Variants in RNF38 observed in about 807,000 individuals in gnomAD.
The protein encoded by RNF38 is ring finger protein 38.
In RNF38, 15 loss-of-function variants were observed where a neutral mutation model predicts 67.2. That is an observed-to-expected ratio of 0.22 (90% CI 0.15 to 0.34). The LOEUF (loss-of-function observed/expected upper bound fraction) is 0.34. Among genes scored for constraint, RNF38 ranks in the 10% least tolerant of loss-of-function variants. The probability of loss-of-function intolerance (pLI) is 1.00; values close to 1 mark genes in which losing one functional copy is unlikely to be tolerated. For synonymous variants in RNF38, 220 were observed against 218.8 expected (o/e 1.01, Z -0.05); for missense variants, 524 against 639.9 (o/e 0.82, Z 1.95).
intron 10 of RNF38, among the ~76,000 whole-genome samples, chr9:36,343,130 T>C (rs1832968430): frequency 6.6e-6 from 1 of 152,212 alleles, no homozygotes; most frequent in South Asian, 2.1e-4. Context: ...TGCTCTATTG[T>C]TATTTTCTAT....
At chr9:36,398,062 T>C (rs532229773) in intron 1 of RNF38, among the ~76,000 whole-genome samples, 52 of 152,346 alleles carry the variant, frequency 3.4e-4, no homozygotes, top group Non-Finnish European at 6.8e-4. Flanking sequence ...GATTGAGTTA[T>C]AATTTTATTA....
chr9:36,409,137 A>G (rs563877331), intron 2 of RNF38, among the ~76,000 whole-genome samples: 6 of 152,140 alleles, frequency 3.9e-5, no homozygotes, highest in African/African-American at 1.4e-4. Context: ...TAGTGAGCCA[A>G]GATCACACCA....
chr9:36,367,004 T>A (rs577962226), intron 4 of RNF38, among the ~76,000 whole-genome samples: 1 of 152,334 alleles, frequency 6.6e-6, no homozygotes, highest in East Asian at 1.9e-4. Flanking sequence ...GCAAATTTAC[T>A]TCTGCTCAGT....
chr9:36,434,580 G>C (rs1159423902), intron 1 of RNF38, among the ~76,000 whole-genome samples: 7 of 152,186 alleles, frequency 4.6e-5, no homozygotes, highest in Non-Finnish European at 1.0e-4. Flanking sequence ...GTAAAGATGG[G>C]GTTTTTCCAT....
intron 1 of RNF38, among the ~76,000 whole-genome samples, chr9:36,399,115 T>C (rs1043415295): frequency 6.6e-6 from 1 of 152,224 alleles, no homozygotes; most frequent in Non-Finnish European, 1.5e-5. Flanking sequence ...CATCAAAAAT[T>C]AGGTTATTTT....
chr9:36,352,274 C>T (rs956007898), intron 8 of RNF38, among the ~76,000 whole-genome samples: 1 of 151,526 alleles, frequency 6.6e-6, no homozygotes. Flanking sequence ...CACTGCACTC[C>T]AGCACAGACT....
chr9:36,457,084 G>T lies in RNF38; in HGVS notation n.241+30224C>A, dbSNP rs577360525. On this transcript the variant is annotated intron_variant and non_coding_transcript_variant, in intron 1 of 3. Transcript: ENST00000488058. Reference sequence around the variant, plus strand: ...TAAACTAATTAAGGAGCTAAATTTTGCCCTAATTCTTTAAATTCATGGATG... The same window carrying T: ...TAAACTAATTAAGGAGCTAAATTTTTCCCTAATTCTTTAAATTCATGGATG... Among the ~76,000 whole-genome samples, 174 of 151,364 alleles carry T rather than the reference G, an allele frequency of 1.1e-3. 1 individual carries two copies. The highest frequency in any genetic ancestry group is 4.1e-3 in the African/African-American group (170 of 41,482).
chr9:36,357,472 A>G (rs961010004), intron 5 of RNF38, among the ~76,000 whole-genome samples: 4 of 152,200 alleles, frequency 2.6e-5, no homozygotes, highest in African/African-American at 7.2e-5. Context: ...GACATATGAG[A>G]AAACATGGTT....
intron 1 of RNF38, among the ~76,000 whole-genome samples, chr9:36,476,007 T>C (rs1311340767): frequency 3.7e-4 from 30 of 80,756 alleles, no homozygotes; most frequent in Admixed American, 3.4e-3. Flanking sequence ...GGACTCTGTT[T>C]CCAAAAAAAA....
chr9:36,463,919 G>T (rs1245194830), intron 1 of RNF38, among the ~76,000 whole-genome samples: 1 of 152,164 alleles, frequency 6.6e-6, no homozygotes, highest in Non-Finnish European at 1.5e-5. Context: ...TGTAATCCCA[G>T]CACTTTGGGA....
chr9:36,378,427 C>A (rs1224657013), intron 2 of RNF38, among the ~76,000 whole-genome samples: 1 of 152,068 alleles, frequency 6.6e-6, no homozygotes, highest in Non-Finnish European at 1.5e-5. Flanking sequence ...CTGCCCATCT[C>A]GGCCTCCCAA....
chr9:36,394,858 G>T (rs1228757917), intron 1 of RNF38, among the ~76,000 whole-genome samples: 2 of 152,060 alleles, frequency 1.3e-5, no homozygotes, highest in African/African-American at 4.8e-5. Context: ...AAATAAACTT[G>T]TTTCCTGAAA....
At chr9:36,356,135 C>CT (rs1564004593) in intron 6 of RNF38, among the ~76,000 whole-genome samples, 168 bp downstream of exon 6, 2 of 152,168 alleles carry the variant, frequency 1.3e-5, no homozygotes, top group African/African-American at 4.8e-5. Flanking sequence ...GAGTGAGTCA[C>CT]TGCACCTGGC....
chr9:36,448,020 G>A (rs1160851946), intron 1 of RNF38, among the ~76,000 whole-genome samples: 1 of 152,190 alleles, frequency 6.6e-6, no homozygotes, highest in Non-Finnish European at 1.5e-5. Context: ...ATGCAGCTCT[G>A]CAGTGCTGAA....
At chr9:36,453,240 G>A (rs1839502425) in intron 1 of RNF38, among the ~76,000 whole-genome samples, 1 of 152,228 alleles carries the variant, frequency 6.6e-6, no homozygotes, top group Non-Finnish European at 1.5e-5. Flanking sequence ...TTGAGACAGA[G>A]TCTTGCTCTG....
chr9:36,400,400 C>G, upstream of RNF38: 1 of 1,144,688 alleles, frequency 8.7e-7, no homozygotes. Flanking sequence ...GCTCCGCGAG[C>G]TGAGACCGCG....
At chr9:36,451,752 G>A (rs989524295) in intron 1 of RNF38, among the ~76,000 whole-genome samples, 4 of 151,072 alleles carry the variant, frequency 2.6e-5, no homozygotes, top group Non-Finnish European at 5.9e-5. Context: ...CGCCCACCTC[G>A]GCCTCCCAAA....
At chr9:36,384,731 C>G (rs1288180069) in intron 2 of RNF38, among the ~76,000 whole-genome samples, 2 of 152,154 alleles carry the variant, frequency 1.3e-5, no homozygotes, top group African/African-American at 4.8e-5. Context: ...TTGTTAATGA[C>G]TTATTACTTG....
chr9:36,377,064 T>C (rs1021167963), intron 2 of RNF38, among the ~76,000 whole-genome samples: 2 of 152,050 alleles, frequency 1.3e-5, no homozygotes, highest in East Asian at 3.8e-4. Context: ...TTTTCAAGGG[T>C]CCCACATGGA....
Sources: gnomAD v4.1 joint callset for allele counts (sites outside exome capture counted in the v4.1 genomes callset) on GRCh38, gnomAD v4.1.1 for gene constraint, MANE v1.5 for transcripts, NCBI Gene and HGNC (gene_info 2026-07-23, HGNC 2026-07-21) for gene names.